Variants in JAZF1 observed in about 807,000 individuals in gnomAD.
The protein encoded by JAZF1 is JAZF zinc finger 1.
JAZF1 carries 8 observed loss-of-function variants against 26.4 expected under a neutral mutation model. The observed-to-expected ratio is 0.30, with a 90% confidence interval of 0.18 to 0.55. JAZF1 has a LOEUF of 0.55. Among genes scored for constraint, JAZF1 ranks in the 20% least tolerant of loss-of-function variants. JAZF1 has a pLI of 0.94. For synonymous variants in JAZF1, 126 were observed against 122.3 expected (o/e 1.03, Z -0.20); for missense variants, 199 against 322.0 (o/e 0.62, Z 2.92).
chr7:28,032,831 C>T (rs867415856), intron 1 of JAZF1, among the ~76,000 whole-genome samples: 18 of 152,168 alleles, frequency 1.2e-4, no homozygotes, highest in African/African-American at 4.1e-4. Flanking sequence ...ATTAGCACAA[C>T]GGGCCCAGTC....
chr7:28,109,732 T>A (rs1784609743), intron 1 of JAZF1, among the ~76,000 whole-genome samples: 1 of 152,150 alleles, frequency 6.6e-6, no homozygotes, highest in African/African-American at 2.4e-5. Context: ...TAAATAATGG[T>A]CCTTCCATCA....
intron 1 of JAZF1, among the ~76,000 whole-genome samples, chr7:28,142,039 TCTA>T (rs1311470187): frequency 6.6e-6 from 1 of 152,196 alleles, no homozygotes; most frequent in Non-Finnish European, 1.5e-5. Context: ...CAGTTCTACT[TCTA>T]CTCACATGGA....
chr7:27,895,494 A>G, intron 2 of JAZF1, 78 bp from the exon 3 acceptor site: 1 of 1,054,394 alleles, frequency 9.5e-7, no homozygotes, highest in Non-Finnish European at 1.3e-6. Flanking sequence ...AGAGTTTCAG[A>G]CATGCACGAC....
At chr7:28,009,160 A>G (rs1159985638) in intron 1 of JAZF1, among the ~76,000 whole-genome samples, 1 of 152,104 alleles carries the variant, frequency 6.6e-6, no homozygotes, top group Non-Finnish European at 1.5e-5. Flanking sequence ...AATGCTCTAG[A>G]CATGGATTCA....
intron 2 of JAZF1, among the ~76,000 whole-genome samples, chr7:27,900,192 G>T (rs11974538): frequency 0.022 from 3,280 of 152,280 alleles, 114 homozygotes; most frequent in African/African-American, 0.074. Context: ...GCCGCCGTGT[G>T]CTGGAGCTGG....
chr7:28,155,293 T>C (rs1186578527), intron 1 of JAZF1, among the ~76,000 whole-genome samples: 1 of 152,244 alleles, frequency 6.6e-6, no homozygotes, highest in African/African-American at 2.4e-5. Context: ...GAACTCATTT[T>C]GAGAGAAGAT....
At chr7:28,050,527 A>C (rs1000958985) in intron 1 of JAZF1, among the ~76,000 whole-genome samples, 1 of 152,192 alleles carries the variant, frequency 6.6e-6, no homozygotes, top group African/African-American at 2.4e-5. Flanking sequence ...AAAGAATAGT[A>C]TTTTTAAACG....
chr7:27,969,151 G>A (rs1355711843), intron 2 of JAZF1, among the ~76,000 whole-genome samples: 2 of 152,136 alleles, frequency 1.3e-5, no homozygotes, highest in African/African-American at 4.8e-5. Flanking sequence ...CACAACTATT[G>A]ACTATTGCTA....
intron 1 of JAZF1, among the ~76,000 whole-genome samples, chr7:28,173,665 C>T (rs1783506958): frequency 6.6e-6 from 1 of 152,026 alleles, no homozygotes; most frequent in Admixed American, 6.5e-5. Context: ...GTCTGGCAGA[C>T]AATGAACAGT....
At chr7:27,866,666 A>C (rs997690537) in intron 3 of JAZF1, among the ~76,000 whole-genome samples, 1 of 152,240 alleles carries the variant, frequency 6.6e-6, no homozygotes, top group Admixed American at 6.5e-5. Flanking sequence ...AAGGCCTAAC[A>C]ATAATCTAAT....
intron 2 of JAZF1, among the ~76,000 whole-genome samples, chr7:27,977,787 A>T (rs1283881270): frequency 6.6e-6 from 1 of 152,188 alleles, no homozygotes; most frequent in Non-Finnish European, 1.5e-5. Flanking sequence ...CTGCCTCCTC[A>T]GTTCAGCGAA....
At chr7:28,030,180 A>C (rs1180468613) in intron 1 of JAZF1, among the ~76,000 whole-genome samples, 1 of 152,190 alleles carries the variant, frequency 6.6e-6, no homozygotes, top group Non-Finnish European at 1.5e-5. Context: ...ATTGAAAAGG[A>C]GTGTTCAGTT....
At position 28,092,290 on chromosome 7, in the gene JAZF1, C is replaced by CAAAAAAA. The variant is rs749913273; in HGVS notation, c.115+88166_115+88172dup. Among the ~76,000 whole-genome samples, 10 of 12,802 alleles carry CAAAAAAA rather than the reference C, an allele frequency of 7.8e-4. 3 individuals carry two copies. Among genetic ancestry groups the CAAAAAAA allele is most frequent in the African/African-American group, 1.3e-3 (6 of 4,646 alleles). 8.4% of individuals were successfully genotyped at this position (12,802 alleles called of 152,430 possible). ...AACATCCCATTTCAGGGACAAAAGGCAAAAAAAAAAAAAAAAAAAAAAAAA... is the reference window on the plus strand; with the variant it reads ...AACATCCCATTTCAGGGACAAAAGGCAAAAAAAAAAAAAAAAAAAAAAAAAAAAAAAA... On this transcript the variant is annotated intron_variant, in intron 1 of 4. Coordinates refer to ENST00000283928, the MANE Select transcript of JAZF1 (RefSeq NM_175061.4).
At chr7:27,913,954 T>A (rs1332673163) in intron 2 of JAZF1, among the ~76,000 whole-genome samples, 1 of 151,196 alleles carries the variant, frequency 6.6e-6, no homozygotes, top group Non-Finnish European at 1.5e-5. Context: ...TTCATTGATG[T>A]GTTTCTTTAT....
chr7:27,849,772 C>CACACACACACACACACACAT (rs140580370), intron 3 of JAZF1, among the ~76,000 whole-genome samples: 34 of 147,108 alleles, frequency 2.3e-4, no homozygotes, highest in South Asian at 4.3e-4. Context: ...CACACACACA[C>CACACACACACACACACACAT]ACCCCTACAC....
At chr7:28,031,827 C>A (rs754680477) in intron 1 of JAZF1, among the ~76,000 whole-genome samples, 1 of 152,026 alleles carries the variant, frequency 6.6e-6, no homozygotes, top group Non-Finnish European at 1.5e-5. Flanking sequence ...AACCACCATG[C>A]GACATGTTCA....
At chr7:28,119,287 C>G (rs140747896) in intron 1 of JAZF1, among the ~76,000 whole-genome samples, 183 of 152,234 alleles carry the variant, frequency 1.2e-3, no homozygotes, top group African/African-American at 4.3e-3. Context: ...GATGATTTGC[C>G]CTTATATCAT....
In JAZF1 at chr7:28,057,940, A is replaced by G. The variant is rs573827936; in HGVS notation, c.116-65959T>C. 4.0e-4 allele frequency among the ~76,000 whole-genome samples: 61 copies of G among 152,264 alleles called. 1 individual carries two copies. The South Asian group carries it at 0.013, about 32-fold the overall frequency. ...TGTCTAATGTAAAAAAGTTTTTTCC[A>G]CTTAATTCCAGTTCTTGTTTCATTA... On this transcript the variant is annotated intron_variant, in intron 1 of 4. Transcript: ENST00000283928.
chr7:27,841,852 T>C (rs769758971), intron 3 of JAZF1: 1 of 152,174 alleles, frequency 6.6e-6, no homozygotes, highest in Non-Finnish European at 1.5e-5. Flanking sequence ...TAAAATAATA[T>C]GTTGACAAGT....
Sources: allele counts gnomAD v4.1 joint callset (sites outside exome capture counted in the v4.1 genomes callset), GRCh38; gene constraint gnomAD v4.1.1; transcripts MANE v1.5; gene names NCBI Gene and HGNC (gene_info 2026-07-23, HGNC 2026-07-21).